Variants in TRHDE observed in about 807,000 individuals in gnomAD.
The protein encoded by TRHDE is thyrotropin-releasing hormone-degrading ectoenzyme.
Under a neutral mutation model 125.7 loss-of-function variants are expected in TRHDE, and 72 were observed. That is an observed-to-expected ratio of 0.57 (90% CI 0.47 to 0.70). The LOEUF (loss-of-function observed/expected upper bound fraction) is 0.70, where lower values mean the gene tolerates loss of function less well. Among genes scored for constraint, TRHDE ranks in the 30% least tolerant of loss-of-function variants. The pLI, the probability that TRHDE is intolerant of heterozygous loss-of-function variation, is 0.00. For missense variants in TRHDE, 1,110 were observed against 1,327.1 expected, an observed-to-expected ratio of 0.84 and a Z score of 2.54; for synonymous variants, 509 against 509.1, an observed-to-expected ratio of 1.00 and a Z score of 0.00.
chr12:72,381,293 G>T (rs1348739866), intron 3 of TRHDE, among the ~76,000 whole-genome samples: 1 of 152,130 alleles, frequency 6.6e-6, no homozygotes, highest in African/African-American at 2.4e-5. Flanking sequence ...AGAGGCTATG[G>T]CAAAATTCAG....
intron 2 of TRHDE, among the ~76,000 whole-genome samples, chr12:72,215,341 TG>T (rs1877865294): frequency 6.6e-6 from 1 of 151,966 alleles, no homozygotes; most frequent in African/African-American, 2.4e-5. Flanking sequence ...TCAGTTAAGG[TG>T]GGGCAGGGCA....
intron 4 of TRHDE, among the ~76,000 whole-genome samples, chr12:72,471,218 G>A (rs144008311): frequency 1.3e-5 from 2 of 152,034 alleles, no homozygotes; most frequent in Non-Finnish European, 2.9e-5. Context: ...TAAGATGTTT[G>A]ATGTTTTTAT....
chr12:72,174,135 G>A (rs557764389), intron 2 of TRHDE, among the ~76,000 whole-genome samples: 1 of 152,306 alleles, frequency 6.6e-6, no homozygotes, highest in South Asian at 2.1e-4. Context: ...TACTGGGCAT[G>A]TGTCTGCCAC....
chr12:72,562,796 T>C, intron 8 of TRHDE, 57 bp from the exon 9 acceptor site: 3 of 1,145,720 alleles, frequency 2.6e-6, no homozygotes, highest in Non-Finnish European at 3.7e-6. Context: ...GTCTTAATGT[T>C]AATAATGTTG....
At chr12:72,209,862 CA>C (rs1877739729) in intron 2 of TRHDE, among the ~76,000 whole-genome samples, 1 of 152,108 alleles carries the variant, frequency 6.6e-6, no homozygotes, top group Non-Finnish European at 1.5e-5. Flanking sequence ...TTTTCTGATG[CA>C]TTTATGCAAG....
At chr12:72,608,709 T>C (rs995403526) in intron 12 of TRHDE, among the ~76,000 whole-genome samples, 1 of 152,152 alleles carries the variant, frequency 6.6e-6, no homozygotes, top group African/African-American at 2.4e-5. Context: ...TCCATCCCCA[T>C]TTATTGTTAT....
intron 2 of TRHDE, among the ~76,000 whole-genome samples, chr12:72,183,428 G>T (rs1010070857): frequency 2.0e-5 from 3 of 152,096 alleles, no homozygotes; most frequent in Non-Finnish European, 2.9e-5. Context: ...ATTATTAAAC[G>T]CTTTCTTTAG....
In TRHDE at chr12:72,238,310, A is replaced by ATACACAT. The variant is rs1555170263; in HGVS notation, n.279+132560_279+132561insCACATTA. Reference sequence around the variant, plus strand: ...TATATATATATATATATATATATATATATATATATATACATATATATATAC... The same window carrying ATACACAT: ...TATATATATATATATATATATATATATACACATTATATATATATACATATATATATAC... On this transcript the variant is annotated intron_variant and non_coding_transcript_variant, in intron 2 of 4. Coordinates refer to the TRHDE transcript ENST00000548156. Among the ~76,000 whole-genome samples, 21 of 34,804 alleles carry ATACACAT rather than the reference A, an allele frequency of 6.0e-4. 2 individuals are homozygous for ATACACAT. The highest frequency in any genetic ancestry group is 1.6e-3 in the African/African-American group (17 of 10,354). 22.8% of individuals were successfully genotyped at this position (34,804 alleles called of 152,430 possible).
intron 3 of TRHDE, among the ~76,000 whole-genome samples, chr12:72,412,914 CA>C (rs1873570829): frequency 6.6e-6 from 1 of 151,816 alleles, no homozygotes; most frequent in Non-Finnish European, 1.5e-5. Context: ...ATGATGATCA[CA>C]AATATCAGGG....
At position 72,249,888 on chromosome 12, in the gene TRHDE, T is replaced by C. The variant is rs942644617; in HGVS notation, n.280-128107T>C. Among the ~76,000 whole-genome samples, 6 of 152,180 alleles carry C rather than the reference T, an allele frequency of 3.9e-5. No individual in the cohort carries two copies. In the East Asian group the frequency reaches 1.2e-3, roughly 29 times the overall value. Reference sequence around the variant, plus strand: ...ATTTGTAATAGTCCAAAACTTGCGGTGACTCAACATCCAAGAACAGGTAAA... The same window carrying C: ...ATTTGTAATAGTCCAAAACTTGCGGCGACTCAACATCCAAGAACAGGTAAA... On this transcript the variant is annotated intron_variant and non_coding_transcript_variant, in intron 2 of 4. Coordinates refer to the TRHDE transcript ENST00000548156.
intron 3 of TRHDE, among the ~76,000 whole-genome samples, chr12:72,433,310 T>C (rs1874581568): frequency 6.6e-6 from 1 of 152,180 alleles, no homozygotes. Context: ...ACAGCCTTCA[T>C]AGAATGACTT....
At chr12:72,374,650 C>T (rs866730017) in intron 2 of TRHDE, among the ~76,000 whole-genome samples, 4 of 151,980 alleles carry the variant, frequency 2.6e-5, no homozygotes, top group South Asian at 2.1e-4. Context: ...GTAAGAGAAG[C>T]GAATAAAATG....
intron 2 of TRHDE, among the ~76,000 whole-genome samples, chr12:72,222,174 A>G (rs1372728331): frequency 6.6e-6 from 1 of 152,140 alleles, no homozygotes; most frequent in African/African-American, 2.4e-5. Context: ...CACTGGAAAA[A>G]AAAAGTCTGT....
Position 72,426,857 on chromosome 12 carries a change from TTTTG to T in TRHDE, c.1316-42897_1316-42894del, listed in dbSNP as rs540753558. 1.3e-3 allele frequency among the ~76,000 whole-genome samples: 197 copies of T among 152,246 alleles called. 1 individual carries two copies. Among genetic ancestry groups the T allele is most frequent in the South Asian group, 8.3e-4 (4 of 4,818 alleles). ...TGACTGCTAATACTCCATTTGTTGT[TTTTG>T]TTTTTTTCTCATATTTTTATCATTG... On this transcript the variant is annotated intron_variant, in intron 3 of 18. Coordinates refer to ENST00000261180, the MANE Select transcript of TRHDE (RefSeq NM_013381.3).
chr12:72,503,809 A>AT (rs1878250973), intron 6 of TRHDE, among the ~76,000 whole-genome samples: 1 of 152,170 alleles, frequency 6.6e-6, no homozygotes, highest in Non-Finnish European at 1.5e-5. Flanking sequence ...ATTGACTCCC[A>AT]TCCAATAGAA....
In TRHDE at chr12:72,473,186, T is replaced by G. The variant is rs746963234; in HGVS notation, c.1584+6T>G. On this transcript the variant is annotated splice_donor_region_variant and intron_variant, in intron 5 of 18. Coordinates refer to ENST00000261180, the MANE Select transcript of TRHDE (RefSeq NM_013381.3). ...TCTATCCTGGCTGGAACATGGTAAGTGCACTTGAATTATTTGAAACTTTTA... is the reference window on the plus strand; with the variant it reads ...TCTATCCTGGCTGGAACATGGTAAGGGCACTTGAATTATTTGAAACTTTTA... 3 of 1,607,186 alleles carry G rather than the reference T, an allele frequency of 1.9e-6. No individual in the cohort carries two copies. The highest frequency in any genetic ancestry group is 2.2e-5 in the East Asian group (1 of 44,818).
At chr12:72,355,518 A>AT (rs138320272) in intron 2 of TRHDE, among the ~76,000 whole-genome samples, 8,754 of 151,758 alleles carry the variant, frequency 0.058, 465 homozygotes, top group African/African-American at 0.13. Flanking sequence ...TGACAAAGAC[A>AT]CCAAAACAAT....
intron 9 of TRHDE, among the ~76,000 whole-genome samples, chr12:72,564,653 A>AAT (rs1870345290): frequency 1.8e-5 from 1 of 54,276 alleles, no homozygotes; most frequent in South Asian, 1.2e-3. Context: ...ATGCGTATGA[A>AAT]TTTTTTTTTT....
At chr12:72,634,687 T>C (rs1321379302) in intron 15 of TRHDE, among the ~76,000 whole-genome samples, 3 of 132,256 alleles carry the variant, frequency 2.3e-5, no homozygotes, top group East Asian at 5.4e-4. Flanking sequence ...GAGTGTGATG[T>C]TCCCCCTCCT....
Sources: allele counts gnomAD v4.1 joint callset (sites outside exome capture counted in the v4.1 genomes callset), GRCh38; gene constraint gnomAD v4.1.1; transcripts MANE v1.5; gene names NCBI Gene and HGNC (gene_info 2026-07-23, HGNC 2026-07-21).